CDC73: variants seen among roughly 807,000 people sequenced by gnomAD.
CDC73 encodes the protein parafibromin.
Under a neutral mutation model 83.7 loss-of-function variants are expected in CDC73, and 21 were observed. The observed-to-expected ratio is 0.25, with a 90% CI of 0.18 to 0.36. The LOEUF (loss-of-function observed/expected upper bound fraction) is 0.36, where lower values mean the gene tolerates loss of function less well. Among genes scored for constraint, CDC73 ranks in the 10% least tolerant of loss-of-function variants. The pLI, the probability that CDC73 is intolerant of heterozygous loss-of-function variation, is 1.00. For missense variants in CDC73, 342 were observed against 653.3 expected, an observed-to-expected ratio of 0.52 and a Z score of 5.19; for synonymous variants, 224 against 212.9, an observed-to-expected ratio of 1.05 and a Z score of -0.45.
At chr1:193,222,040 CAAA>C (rs527407181) in intron 13 of CDC73, among the ~76,000 whole-genome samples, 33 of 147,696 alleles carry the variant, frequency 2.2e-4, no homozygotes, top group African/African-American at 7.2e-4. Flanking sequence ...GTAAATGAAA[CAAA>C]AAAAAATAAT....
chr1:193,142,061 G>A lies in CDC73; in HGVS notation c.724G>A (p.Gly242Arg). The A allele has an allele frequency of 6.2e-7, 1 of 1,610,088 alleles. No individual in the cohort carries two copies. The highest frequency in any genetic ancestry group is 8.5e-7 in the Non-Finnish European group (1 of 1,176,498). ...ACGAACAACTATCTTACAAAGCACAGGAAAGGTAATTAAAATATTTTACTC... is the reference window on the plus strand; with the variant it reads ...ACGAACAACTATCTTACAAAGCACAAGAAAGGTAATTAAAATATTTTACTC... ...RTRTTILQSTGKNFSKNIFAI... is the reference protein window; with the variant it reads ...RTRTTILQSTRKNFSKNIFAI... The change falls in exon 7 of 17, where the codon GGA becomes AGA. Residue 242 changes from glycine to arginine, a missense_variant. Gly to Arg is a moderately radical substitution (Grantham distance 125, BLOSUM62 -2). Coordinates refer to ENST00000367435, the MANE Select transcript of CDC73 (RefSeq NM_024529.5).
intron 10 of CDC73, among the ~76,000 whole-genome samples, chr1:193,153,011 G>A (rs1227590742): frequency 2.0e-5 from 3 of 151,962 alleles, no homozygotes; most frequent in East Asian, 1.9e-4. Context: ...CCTCGTGATC[G>A]CCCGCCTCAG....
At chr1:193,194,711 T>TCA (rs1424330418) in intron 10 of CDC73, among the ~76,000 whole-genome samples, 1 of 152,126 alleles carries the variant, frequency 6.6e-6, no homozygotes, top group East Asian at 1.9e-4. Context: ...TCAACTACAT[T>TCA]CACATGGATG....
intron 11 of CDC73, 134 bp downstream of exon 11, chr1:193,203,986 A>C: frequency 1.4e-6 from 1 of 739,244 alleles, no homozygotes; most frequent in South Asian, 1.5e-5. Context: ...TTCTTTGAAG[A>C]CTGTCGATAC....
intron 15 of CDC73, among the ~76,000 whole-genome samples, chr1:193,242,919 A>C (rs1313829357): frequency 2.6e-5 from 4 of 152,074 alleles, no homozygotes; most frequent in Middle Eastern, 3.4e-3. Context: ...GGCTTCTTAC[A>C]AAAGAACTTT....
chr1:193,164,292 C>T (rs1278291848), intron 10 of CDC73, among the ~76,000 whole-genome samples: 1 of 152,082 alleles, frequency 6.6e-6, no homozygotes, highest in Admixed American at 6.6e-5. Flanking sequence ...GGTTTTGTTG[C>T]CTATGGTTGA....
At chr1:193,238,134 T>A (rs1291354473) in intron 15 of CDC73, among the ~76,000 whole-genome samples, 1 of 152,222 alleles carries the variant, frequency 6.6e-6, no homozygotes, top group Non-Finnish European at 1.5e-5. Flanking sequence ...GAAATTTAGA[T>A]AAGAATTTAG....
chr1:193,169,982 G>A (rs1255861333), intron 10 of CDC73, among the ~76,000 whole-genome samples: 1 of 152,002 alleles, frequency 6.6e-6, no homozygotes, highest in Non-Finnish European at 1.5e-5. Flanking sequence ...CAGTATGTGT[G>A]ATTCCCCTCT....
In CDC73 at chr1:193,213,125, TTTC is replaced by T. The variant is rs532971599; in HGVS notation, c.1154+653_1154+655del. ...AGTTTACGTATATTTTCCCATAGCA[TTTC>T]TTCTATTAATGAATATGAGTAGACA... On this transcript the variant is annotated intron_variant, in intron 13 of 16. Coordinates refer to ENST00000367435, the MANE Select transcript of CDC73 (RefSeq NM_024529.5). Among the ~76,000 whole-genome samples, 360 of 152,344 alleles carry T rather than the reference TTTC, an allele frequency of 2.4e-3. 6 individuals are homozygous for T. The highest frequency in any genetic ancestry group is 0.021 in the Admixed American group (326 of 15,298).
chr1:193,125,053 C>A, intron 1 of CDC73, 59 bp from the exon 2 acceptor site: 3 of 866,076 alleles, frequency 3.5e-6, no homozygotes, highest in Non-Finnish European at 6.0e-6. Flanking sequence ...TAAATGAATC[C>A]AGCCTGAAGA....
chr1:193,173,064 T>C (rs990958849), intron 10 of CDC73, among the ~76,000 whole-genome samples: 1 of 152,172 alleles, frequency 6.6e-6, no homozygotes, highest in African/African-American at 2.4e-5. Flanking sequence ...CATTGCACAC[T>C]CATCAAGTCA....
chr1:193,247,678 A>G (rs952893289), intron 15 of CDC73, among the ~76,000 whole-genome samples: 45 of 152,254 alleles, frequency 3.0e-4, no homozygotes, highest in Middle Eastern at 3.4e-3. Flanking sequence ...AAATAATAAG[A>G]AAGCAAAACA....
At chr1:193,152,024 T>C (rs1676122569) in intron 9 of CDC73, among the ~76,000 whole-genome samples, 1 of 152,196 alleles carries the variant, frequency 6.6e-6, no homozygotes, top group African/African-American at 2.4e-5. Flanking sequence ...TAACTTTGGG[T>C]CTTTTCATGG....
chr1:193,174,255 A>G (rs1676567111), intron 10 of CDC73, among the ~76,000 whole-genome samples: 1 of 151,994 alleles, frequency 6.6e-6, no homozygotes, highest in Non-Finnish European at 1.5e-5. Flanking sequence ...TGCTCTTAAT[A>G]AGACTGATTC....
intron 10 of CDC73, among the ~76,000 whole-genome samples, chr1:193,177,358 C>CAAAAA (rs10672869): frequency 0.032 from 2,200 of 69,490 alleles, 168 homozygotes; most frequent in South Asian, 0.084. Context: ...ACTAAAAATA[C>CAAAAA]AAAAAAAAAA....
intron 14 of CDC73, among the ~76,000 whole-genome samples, chr1:193,234,173 T>A (rs868372396): frequency 1.0e-4 from 7 of 68,344 alleles, no homozygotes; most frequent in African/African-American, 3.3e-4. Flanking sequence ...TCTCTCTCTC[T>A]CTCACACACA....
chr1:193,193,014 C>T (rs138121208), intron 10 of CDC73, among the ~76,000 whole-genome samples: 201 of 152,302 alleles, frequency 1.3e-3, no homozygotes, highest in African/African-American at 4.6e-3. Context: ...CAAAACCTTC[C>T]GGCCTTCCAA....
chr1:193,147,364 T>G (rs574306350), intron 7 of CDC73, among the ~76,000 whole-genome samples: 1 of 150,720 alleles, frequency 6.6e-6, no homozygotes, highest in Non-Finnish European at 1.5e-5. Context: ...TTGTAGCAGT[T>G]TTTTTTTTCT....
intron 9 of CDC73, among the ~76,000 whole-genome samples, chr1:193,151,975 A>G (rs144412424): frequency 6.6e-6 from 1 of 152,114 alleles, no homozygotes; most frequent in Non-Finnish European, 1.5e-5. Context: ...AAAAATAAGT[A>G]TATGCCTTAT....
Sources: allele counts gnomAD v4.1 joint callset (sites outside exome capture counted in the v4.1 genomes callset), GRCh38; gene constraint gnomAD v4.1.1; transcripts MANE v1.5; gene names NCBI Gene and HGNC (gene_info 2026-07-23, HGNC 2026-07-21).